CNTN5: variants seen among roughly 807,000 people sequenced by gnomAD.
The protein encoded by CNTN5 is contactin-5.
Under a neutral mutation model 129.1 loss-of-function variants are expected in CNTN5, and 77 were observed. The ratio of observed to expected loss-of-function variants is 0.60; its 90% CI spans 0.50 to 0.72. The LOEUF (loss-of-function observed/expected upper bound fraction) is 0.72. Among genes scored for constraint, CNTN5 ranks in the 30% least tolerant of loss-of-function variants. The pLI, the probability that CNTN5 is intolerant of heterozygous loss-of-function variation, is 0.00. For synonymous variants in CNTN5, 509 were observed against 465.6 expected (o/e 1.09, Z -1.20); for missense variants, 1,478 against 1,328.8 (o/e 1.11, Z -1.75).
intron 13 of CNTN5, among the ~76,000 whole-genome samples, chr11:100,119,967 A>T (rs1051093510): frequency 6.6e-6 from 1 of 151,964 alleles, no homozygotes; most frequent in Non-Finnish European, 1.5e-5. Context: ...ATATGAAAAT[A>T]GATATATTTA....
At chr11:100,323,600 G>T (rs1951736220) in intron 21 of CNTN5, among the ~76,000 whole-genome samples, 1 of 151,470 alleles carries the variant, frequency 6.6e-6, no homozygotes, top group Non-Finnish European at 1.5e-5. Context: ...AAGATCTGTG[G>T]GATATTTTCT....
chr11:100,283,392 C>A (rs922743557), intron 18 of CNTN5, among the ~76,000 whole-genome samples: 1 of 152,118 alleles, frequency 6.6e-6, no homozygotes, highest in African/African-American at 2.4e-5. Flanking sequence ...GCAGCCTGGA[C>A]TTAGGAAAGG....
chr11:100,253,963 C>G (rs1220239691), intron 16 of CNTN5, among the ~76,000 whole-genome samples: 3 of 151,806 alleles, frequency 2.0e-5, no homozygotes, highest in African/African-American at 7.3e-5. Flanking sequence ...TCCTTGACTC[C>G]TTTTTTTTAT....
intron 1 of CNTN5, among the ~76,000 whole-genome samples, chr11:99,042,280 G>A (rs1864014564): frequency 6.7e-6 from 1 of 150,064 alleles, no homozygotes. Context: ...ATGACGGGTT[G>A]ATGGGTGCAG....
chr11:100,129,036 C>T (rs561107781), intron 13 of CNTN5, among the ~76,000 whole-genome samples: 1 of 152,060 alleles, frequency 6.6e-6, no homozygotes, highest in African/African-American at 2.4e-5. Context: ...GATTTAAGCA[C>T]TAGAGAATAT....
At chr11:99,666,114 T>G (rs1261128006) in intron 3 of CNTN5, among the ~76,000 whole-genome samples, 1 of 151,966 alleles carries the variant, frequency 6.6e-6, no homozygotes, top group Non-Finnish European at 1.5e-5. Flanking sequence ...ATTATAGGTA[T>G]GTGTCACCAC....
intron 2 of CNTN5, among the ~76,000 whole-genome samples, chr11:99,432,472 TTTCTTTTC>T (rs1406711403): frequency 9.4e-5 from 13 of 137,902 alleles, no homozygotes; most frequent in Non-Finnish European, 1.6e-4. Flanking sequence ...TTCCTTTTCT[TTTCTTTTC>T]TTTTCTTTTC....
chr11:100,304,070 T>C (rs1245069610), intron 20 of CNTN5, among the ~76,000 whole-genome samples: 2 of 151,588 alleles, frequency 1.3e-5, no homozygotes, highest in African/African-American at 4.8e-5. Context: ...TACCCCCATA[T>C]TACATGAAGA....
Position 100,071,775 on chromosome 11 carries a change from A to C in CNTN5, c.1370A>C (p.Gln457Pro). ...AATCAATCAGATGCTGGAATGTATC[A>C]GTGTTTGGCTGAAAATAAGTATGGA... The part of the protein sequence containing the change: ...NVNQSDAGMY[Q>P]CLAENKYGAI... The change falls in exon 12 of 25, where the codon CAG becomes CCG. Residue 457 changes from glutamine (Q) to proline (P), a missense_variant. Coordinates refer to ENST00000524871, the MANE Select transcript of CNTN5 (RefSeq NM_014361.4). The C allele has an allele frequency of 1.2e-6, 2 of 1,605,966 alleles. No individual in the cohort carries two copies. The highest frequency in any genetic ancestry group is 1.7e-6 in the Non-Finnish European group (2 of 1,175,648).
chr11:99,898,278 G>C (rs950505313), intron 6 of CNTN5, among the ~76,000 whole-genome samples: 1 of 151,892 alleles, frequency 6.6e-6, no homozygotes, highest in Admixed American at 6.6e-5. Context: ...ATAAAAGGTT[G>C]GTTCTTTGAA....
chr11:99,739,455 G>A (rs1169156263), intron 3 of CNTN5, among the ~76,000 whole-genome samples: 2 of 151,928 alleles, frequency 1.3e-5, no homozygotes, highest in Admixed American at 6.6e-5. Flanking sequence ...TTGCCTTTAC[G>A]TTATCTGAAA....
chr11:99,327,118 C>G (rs1865818822), intron 2 of CNTN5, among the ~76,000 whole-genome samples: 1 of 151,998 alleles, frequency 6.6e-6, no homozygotes, highest in Admixed American at 6.6e-5. Context: ...ATCTAAGCAC[C>G]TTAATTGAAT....
intron 4 of CNTN5, among the ~76,000 whole-genome samples, chr11:99,822,803 G>C (rs1034637371): frequency 6.6e-6 from 1 of 152,210 alleles, no homozygotes; most frequent in African/African-American, 2.4e-5. Context: ...TGTTGGCTAT[G>C]GCTATTAACT....
At chr11:99,341,452 A>G (rs1866510225) in intron 2 of CNTN5, among the ~76,000 whole-genome samples, 2 of 152,170 alleles carry the variant, frequency 1.3e-5, no homozygotes, top group Non-Finnish European at 1.5e-5. Flanking sequence ...ATGAAATTAT[A>G]TGGAATTTGT....
intron 2 of CNTN5, among the ~76,000 whole-genome samples, chr11:99,353,293 A>G (rs76217231): frequency 0.063 from 9,588 of 152,246 alleles, 352 homozygotes; most frequent in Middle Eastern, 0.1. Context: ...AACTGATGTA[A>G]GTGTACTTCA....
At chr11:99,088,201 T>C (rs966382528) in intron 1 of CNTN5, among the ~76,000 whole-genome samples, 3 of 152,188 alleles carry the variant, frequency 2.0e-5, no homozygotes, top group African/African-American at 7.2e-5. Flanking sequence ...TTCTATGTTC[T>C]CCTAGTGCAC....
intron 17 of CNTN5, among the ~76,000 whole-genome samples, chr11:100,257,578 G>C (rs778062772): frequency 8.5e-5 from 13 of 152,152 alleles, no homozygotes; most frequent in Non-Finnish European, 1.3e-4. Flanking sequence ...ATGGGACTAA[G>C]CTTCAAGGAG....
At chr11:99,713,644 T>A (rs1236676856) in intron 3 of CNTN5, among the ~76,000 whole-genome samples, 1 of 151,954 alleles carries the variant, frequency 6.6e-6, no homozygotes, top group Non-Finnish European at 1.5e-5. Context: ...TGGAACCCAA[T>A]GTGCTGTTAA....
In CNTN5 at chr11:100,094,715, A is replaced by G. The variant is rs79695142; in HGVS notation, c.1580+20421A>G. Among the ~76,000 whole-genome samples, 1,132 of 151,178 alleles carry G rather than the reference A, an allele frequency of 7.5e-3. 19 individuals carry two copies. The highest frequency in any genetic ancestry group is 0.026 in the African/African-American group (1,055 of 41,198). On this transcript the variant is annotated intron_variant, in intron 13 of 24. Transcript: ENST00000524871. ...GAAGGAAGGAAAGCAGACCAGGAGG[A>G]AAAAAGGAAAGAGAGAGACAGGGAA...
Sources: gnomAD v4.1 joint callset for allele counts (sites outside exome capture counted in the v4.1 genomes callset) on GRCh38, gnomAD v4.1.1 for gene constraint, MANE v1.5 for transcripts, NCBI Gene and HGNC (gene_info 2026-07-23, HGNC 2026-07-21) for gene names.